The following CFLAR variants were observed in gnomAD, a reference collection of about 807,000 sequenced individuals.
The protein encoded by CFLAR is CASP8 and FADD like apoptosis regulator.
A neutral mutation model predicts 51.1 loss-of-function variants in CFLAR; 14 were observed. That is an observed-to-expected ratio of 0.27 (90% confidence interval 0.18 to 0.43). The LOEUF is 0.43. Ranked by LOEUF, CFLAR falls within the 20% of genes least tolerant of loss-of-function variation. CFLAR has a pLI of 1.00. For synonymous variants in CFLAR, 210 were observed against 211.6 expected, an observed-to-expected ratio of 0.99 and a Z score of 0.06; for missense variants, 390 against 566.5, an observed-to-expected ratio of 0.69 and a Z score of 3.16.
intron 1 of CFLAR, chr2:201,119,020 G>A (rs1002972641): frequency 3.9e-5 from 6 of 152,216 alleles, no homozygotes; most frequent in African/African-American, 7.2e-5. Flanking sequence ...CCTCGCTTTT[G>A]GCCCTAGGTC....
intron 3 of CFLAR, 103 bp downstream of exon 3, chr2:201,133,237 A>G: frequency 1.3e-6 from 1 of 756,048 alleles, no homozygotes; most frequent in South Asian, 1.6e-5. Context: ...CCGCCACTAT[A>G]GTGGGAGTCA....
chr2:201,141,666 T>C (rs1368373479), intron 5 of CFLAR: 4 of 1,231,234 alleles, frequency 3.2e-6, no homozygotes, highest in Non-Finnish European at 4.1e-6. Context: ...TATTGAGTGA[T>C]GAAACAAAAG....
At chr2:201,152,409 C>T (rs973544926) in intron 8 of CFLAR, among the ~76,000 whole-genome samples, 1 of 152,162 alleles carries the variant, frequency 6.6e-6, no homozygotes, top group African/African-American at 2.4e-5. Context: ...GGACCTACCT[C>T]ATAGGGAGGT....
intron 6 of CFLAR, chr2:201,145,656 T>A (rs1939986700): frequency 6.3e-6 from 3 of 479,224 alleles, no homozygotes; most frequent in African/African-American, 5.9e-5. Flanking sequence ...AGCTTCATCA[T>A]CTTGGCCGTA....
chr2:201,171,292 C>T lies in CFLAR; in HGVS notation c.*7319C>T, dbSNP rs1201340121. 3 of 152,026 alleles carry T rather than the reference C, an allele frequency of 2.0e-5. No individual in the cohort carries two copies. The highest frequency in any genetic ancestry group is 4.8e-5 in the African/African-American group (2 of 41,348). The allele number at this position is 152,026 out of a possible 1,614,324, so 9.4% of individuals were successfully genotyped here. Reference sequence around the variant, plus strand: ...CCAGATACCACCTGTTCCCCAAACACCTATGGAAATAATTTTGTTTTTTTT... The same window carrying T: ...CCAGATACCACCTGTTCCCCAAACATCTATGGAAATAATTTTGTTTTTTTT... On this transcript the variant is annotated 3_prime_UTR_variant, in exon 10 of 10. Coordinates refer to ENST00000309955, the MANE Select transcript of CFLAR (RefSeq NM_003879.7).
In CFLAR at chr2:201,124,176, T is replaced by C. The variant is rs968490991; in HGVS notation, c.-137-5553T>C. On this transcript the variant is annotated intron_variant, in intron 1 of 9. Transcript: ENST00000309955. This position sits in a 1 kb window ranked among gnomAD's most constrained non-coding sequence, Gnocchi z 4.7. The stretch of plus-strand genomic sequence containing the variant: ...TTGCTACTGATTACAGGGAACAATA[T>C]GTGCCTTTGTTACCAGATAGTTTGG... Among the ~76,000 whole-genome samples, 26 of 152,352 alleles carry C rather than the reference T, an allele frequency of 1.7e-4. No individual in the cohort carries two copies. Among genetic ancestry groups the C allele is most frequent in the Middle Eastern group, 3.4e-3 (1 of 294 alleles).
chr2:201,145,323 A>T (rs1939895653), intron 5 of CFLAR, 55 bp from the exon 6 acceptor site: 2 of 1,012,220 alleles, frequency 2.0e-6, no homozygotes, highest in South Asian at 2.7e-5. Context: ...TGTAATGTAT[A>T]GTGTACCTCT....
chr2:201,130,184 AGGG>A, intron 2 of CFLAR, 38 bp downstream of exon 2: 264 of 89,856 alleles, frequency 2.9e-3, no homozygotes, highest in Non-Finnish European at 5.3e-3. Context: ...GGTGGGTGGG[AGGG>A]AGTGAAGTGT....
At chr2:201,148,149 T>C (rs571910699) in intron 6 of CFLAR, 24 of 152,288 alleles carry the variant, frequency 1.6e-4, no homozygotes, top group African/African-American at 4.3e-4. Flanking sequence ...CTGCTATTAA[T>C]GTTTGATTTT....
chr2:201,124,642 G>C lies in CFLAR; in HGVS notation c.-137-5087G>C, dbSNP rs2048508486. Among the ~76,000 whole-genome samples, 1 of 152,120 alleles carries C rather than the reference G, an allele frequency of 6.6e-6. No homozygotes were observed. Among genetic ancestry groups the C allele is most frequent in the Non-Finnish European group, 1.5e-5 (1 of 68,016 alleles). ...GAGCCACCGCGCCTGGCCAGTTCAG[G>C]CATGAACTTTAGAAATTTCACTTAG... On this transcript the variant is annotated intron_variant, in intron 1 of 9. Coordinates refer to ENST00000309955, the MANE Select transcript of CFLAR (RefSeq NM_003879.7). This position sits in a 1 kb window ranked among gnomAD's most constrained non-coding sequence, Gnocchi z 4.7.
In CFLAR at chr2:201,164,051, A is replaced by C; in HGVS notation, c.*78A>C. 1 of 1,249,194 alleles carries C rather than the reference A, an allele frequency of 8.0e-7. No homozygotes were observed. The highest frequency in any genetic ancestry group is 1.4e-5 in the South Asian group (1 of 69,770). 77.4% of individuals were successfully genotyped at this position (1,249,194 alleles called of 1,614,324 possible). ...GAGGCCAAGGAGGGCAGATCACTTC[A>C]GGTCAGGAGTTCGAGACCAGCCTGG... is the stretch of plus-strand genomic sequence containing the variant. On this transcript the variant is annotated 3_prime_UTR_variant, in exon 10 of 10. Transcript: ENST00000309955.
intron 8 of CFLAR, among the ~76,000 whole-genome samples, chr2:201,158,551 A>G (rs1203123375): frequency 6.6e-6 from 1 of 152,142 alleles, no homozygotes. Flanking sequence ...CTCCATGATT[A>G]GAGACGTGTG....
At chr2:201,119,677 C>T (rs891844362) in intron 1 of CFLAR, among the ~76,000 whole-genome samples, 2 of 152,148 alleles carry the variant, frequency 1.3e-5, no homozygotes, top group African/African-American at 4.8e-5. Context: ...TGTCTTTGCA[C>T]TTGCTTCAGG....
chr2:201,161,982 A>G (rs1217403670), intron 9 of CFLAR, among the ~76,000 whole-genome samples: 1 of 151,978 alleles, frequency 6.6e-6, no homozygotes, highest in Non-Finnish European at 1.5e-5. Flanking sequence ...TCCTGGCCTC[A>G]AGTGATCCAC....
chr2:201,130,286 G>T, intron 2 of CFLAR, 140 bp downstream of exon 2: 2 of 579,928 alleles, frequency 3.4e-6, no homozygotes, highest in Non-Finnish European at 2.7e-6. Flanking sequence ...GCCAGATGAT[G>T]TCACTTCATT....
In CFLAR at chr2:201,118,933, G is replaced by C. The variant is rs2047890358; in HGVS notation, c.-138+2452G>C. 1 of 152,214 alleles carries C rather than the reference G, an allele frequency of 6.6e-6. No individual in the cohort carries two copies. The highest frequency in any genetic ancestry group is 2.4e-5 in the African/African-American group (1 of 41,446). The allele number at this position is 152,214 out of a possible 1,614,324, so 9.4% of individuals were successfully genotyped here. A position where few individuals can be genotyped will look rare whatever the true frequency, so the allele number is the denominator to read the frequency against. On this transcript the variant is annotated intron_variant, in intron 1 of 9. Transcript: ENST00000309955. This position sits in a 1 kb window ranked among gnomAD's most constrained non-coding sequence, Gnocchi z 5.1. ...AGACCGAGAATCCTGCCCGATCCCC[G>C]CCCCTGGGCTGGTGTCGCCCTGGGC...
chr2:201,129,823 T>C lies in CFLAR; in HGVS notation c.-43T>C, dbSNP rs2125660880. 6.3e-7 allele frequency: 1 copy of C among 1,594,554 alleles called. No individual in the cohort carries two copies. Among genetic ancestry groups the C allele is most frequent in the African/African-American group, 1.3e-5 (1 of 74,620 alleles). ...GGCTTTCTGTTGACTGGCCCGGAGCTGTACTGCAAGACCCTTGTGAGCTTC... is the reference window on the plus strand; with the variant it reads ...GGCTTTCTGTTGACTGGCCCGGAGCCGTACTGCAAGACCCTTGTGAGCTTC... On this transcript the variant is annotated 5_prime_UTR_variant, in exon 2 of 10. Transcript: ENST00000309955.
chr2:201,137,744 G>C, intron 4 of CFLAR: 1 of 823,424 alleles, frequency 1.2e-6, no homozygotes, highest in Non-Finnish European at 2.1e-6. Flanking sequence ...CATCCTGCGT[G>C]ATCTTCGCCT....
intron 1 of CFLAR, among the ~76,000 whole-genome samples, chr2:201,125,639 G>A (rs1330646195): frequency 1.3e-5 from 2 of 152,100 alleles, no homozygotes; most frequent in African/African-American, 4.8e-5. Flanking sequence ...ATGGCACTGG[G>A]GGTGGTGTTG....
Sources: allele counts gnomAD v4.1 joint callset (sites outside exome capture counted in the v4.1 genomes callset), GRCh38; gene constraint gnomAD v4.1.1; non-coding constraint Gnocchi (gnomAD v3.1); transcripts MANE v1.5; gene names NCBI Gene and HGNC (gene_info 2026-07-23, HGNC 2026-07-21).